Variants in TRAPPC9 observed in about 807,000 individuals in gnomAD.
TRAPPC9 encodes trafficking protein particle complex subunit 9.
TRAPPC9 carries 83 observed loss-of-function variants against 124.0 expected under a neutral mutation model. The ratio of observed to expected loss-of-function variants is 0.67; its 90% CI spans 0.56 to 0.80. The LOEUF (loss-of-function observed/expected upper bound fraction) is 0.80, where lower values mean the gene tolerates loss of function less well. TRAPPC9 is among the 30% of genes least tolerant of loss of function. The probability of loss-of-function intolerance (pLI) is 0.00; values close to 1 mark genes in which losing one functional copy is unlikely to be tolerated. For synonymous variants in TRAPPC9, 638 were observed against 617.5 expected (o/e 1.03, Z -0.49); for missense variants, 1,302 against 1,508.3 (o/e 0.86, Z 2.27).
At chr8:140,191,892 T>C (rs918918652) in intron 17 of TRAPPC9, among the ~76,000 whole-genome samples, 9 of 152,078 alleles carry the variant, frequency 5.9e-5, no homozygotes, top group Non-Finnish European at 1.3e-4. Flanking sequence ...TGAGTTTAAA[T>C]CTCCTCCCCT....
rs1238729797 is a variant in TRAPPC9 at position 139,988,840 on chromosome 8, C to T, written c.2700-4G>A. The T allele has an allele frequency of 9.1e-6, 14 of 1,541,158 alleles. No homozygotes were observed. Among genetic ancestry groups the T allele is most frequent in the Middle Eastern group, 1.7e-4 (1 of 5,974 alleles). On this transcript the variant is annotated splice_region_variant and splice_polypyrimidine_tract_variant and intron_variant, in intron 18 of 22. Transcript: ENST00000438773. ...GAGCAGGTGACACTGCCGGGTACTG[C>T]GTTAAAGAAAAAAGAAAGTTCAGAA...
intron 17 of TRAPPC9, chr8:140,099,701 A>G (rs111539461): frequency 6.6e-6 from 1 of 150,868 alleles, no homozygotes; most frequent in Non-Finnish European, 1.5e-5. Flanking sequence ...GAGTGCCGCA[A>G]TCCACAGGGT....
At chr8:140,152,743 A>C (rs2061567644) in intron 17 of TRAPPC9, among the ~76,000 whole-genome samples, 1 of 151,736 alleles carries the variant, frequency 6.6e-6, no homozygotes. Context: ...GTCTTGTTTA[A>C]CTTCTTTCAG....
At chr8:140,026,529 T>A (rs1840159076) in intron 17 of TRAPPC9, among the ~76,000 whole-genome samples, 1 of 152,226 alleles carries the variant, frequency 6.6e-6, no homozygotes, top group South Asian at 2.1e-4. Flanking sequence ...ATGGCCATCC[T>A]AAGGGACACA....
intron 21 of TRAPPC9, among the ~76,000 whole-genome samples, chr8:139,879,631 C>T (rs868822442): frequency 6.6e-6 from 1 of 152,214 alleles, no homozygotes; most frequent in Non-Finnish European, 1.5e-5. Flanking sequence ...CTCCGGCCCC[C>T]GCAGGCTCTC....
intron 3 of TRAPPC9, among the ~76,000 whole-genome samples, chr8:140,438,829 C>T (rs1221542164): frequency 1.3e-5 from 2 of 152,110 alleles, no homozygotes; most frequent in Non-Finnish European, 2.9e-5. Flanking sequence ...GTAGCTGGGA[C>T]TATAGGCGCG....
At chr8:139,886,895 G>A (rs572375802) in intron 20 of TRAPPC9, among the ~76,000 whole-genome samples, 1 of 152,300 alleles carries the variant, frequency 6.6e-6, no homozygotes, top group East Asian at 1.9e-4. Flanking sequence ...AGTCCTATGG[G>A]AACAAAGCTC....
At chr8:140,227,515 T>A (rs1246037292) in intron 16 of TRAPPC9, among the ~76,000 whole-genome samples, 1 of 152,240 alleles carries the variant, frequency 6.6e-6, no homozygotes, top group Non-Finnish European at 1.5e-5. Flanking sequence ...ATACTTCCCA[T>A]TTATAGTGCT....
rs532293078 is a variant in TRAPPC9, at chr8:140,446,117, A to C, written c.584+4673T>G. ...AGACCAGCCTGGCCAACATAGTGAA[A>C]CCCTGTCTGTACTAAAAATACAAAA... is the stretch of plus-strand genomic sequence containing the variant. On this transcript the variant is annotated intron_variant, in intron 2 of 22. Coordinates refer to ENST00000438773, the MANE Select transcript of TRAPPC9 (RefSeq NM_001160372.4). 9.2e-5 allele frequency among the ~76,000 whole-genome samples: 14 copies of C among 152,268 alleles called. No individual in the cohort carries two copies. In the South Asian group the frequency reaches 2.9e-3, roughly 32 times the overall value.
At chr8:140,118,037 T>C (rs796878143) in intron 17 of TRAPPC9, among the ~76,000 whole-genome samples, 4 of 152,348 alleles carry the variant, frequency 2.6e-5, no homozygotes, top group African/African-American at 9.6e-5. Flanking sequence ...ATTTAGAGCT[T>C]ACAAAGTCCA....
In TRAPPC9 at chr8:140,422,215, TA is replaced by T. The variant is rs1380916995; in HGVS notation, c.886+4399del. Among the ~76,000 whole-genome samples the T allele has an allele frequency of 5.3e-3, 807 of 152,204 alleles. 6 individuals carry two copies. Among genetic ancestry groups the T allele is most frequent in the Middle Eastern group, 0.034 (10 of 294 alleles). Reference sequence around the variant, plus strand: ...ATTTATAGACTAGGGATAACAACAGTACCTGTCTCCTAGAATCGTGAAGATT... The same window carrying T: ...ATTTATAGACTAGGGATAACAACAGTCCTGTCTCCTAGAATCGTGAAGATT... On this transcript the variant is annotated intron_variant, in intron 5 of 22. Coordinates refer to ENST00000438773, the MANE Select transcript of TRAPPC9 (RefSeq NM_001160372.4).
intron 17 of TRAPPC9, among the ~76,000 whole-genome samples, chr8:140,058,852 G>A (rs1056080218): frequency 7.2e-5 from 11 of 152,156 alleles, no homozygotes; most frequent in East Asian, 1.9e-4. Context: ...GCTGGGAGCC[G>A]AGTCAGGAGA....
chr8:140,003,893 A>G (rs918104184), intron 18 of TRAPPC9, among the ~76,000 whole-genome samples: 1 of 152,252 alleles, frequency 6.6e-6, no homozygotes, highest in Non-Finnish European at 1.5e-5. Context: ...ATCACTCTAC[A>G]TGAGTATTTA....
chr8:140,126,804 C>T (rs994661261), intron 17 of TRAPPC9, among the ~76,000 whole-genome samples: 36 of 152,316 alleles, frequency 2.4e-4, no homozygotes, highest in African/African-American at 8.4e-4. Context: ...GTGGGCCTAG[C>T]GTGGCAGGTG....
intron 7 of TRAPPC9, among the ~76,000 whole-genome samples, chr8:140,385,936 G>A (rs1040577308): frequency 8.5e-5 from 13 of 152,130 alleles, no homozygotes; most frequent in East Asian, 1.9e-4. Context: ...CTGGCAAACC[G>A]AATCCAGCAG....
intron 17 of TRAPPC9, among the ~76,000 whole-genome samples, chr8:140,157,252 T>C (rs1485557975): frequency 9.1e-5 from 1 of 11,034 alleles, no homozygotes; most frequent in Non-Finnish European, 1.7e-4. Flanking sequence ...AAAGCCTCCC[T>C]TTTCCATTCA....
chr8:140,210,025 T>C (rs551140960), intron 17 of TRAPPC9, among the ~76,000 whole-genome samples: 3 of 152,364 alleles, frequency 2.0e-5, no homozygotes, highest in South Asian at 2.1e-4. Flanking sequence ...TGGGAAGTTG[T>C]AGTCATGAGG....
chr8:140,076,180 A>G (rs1843499760), intron 17 of TRAPPC9, among the ~76,000 whole-genome samples: 1 of 152,210 alleles, frequency 6.6e-6, no homozygotes, highest in Non-Finnish European at 1.5e-5. Flanking sequence ...ACGAGTCTAC[A>G]TAAGGAAGAG....
intron 17 of TRAPPC9, among the ~76,000 whole-genome samples, chr8:140,166,386 C>G (rs1220413256): frequency 6.6e-6 from 1 of 152,226 alleles, no homozygotes; most frequent in Admixed American, 6.5e-5. Flanking sequence ...AGTCGTTCCT[C>G]CTGGAAGGCC....
Sources: allele counts gnomAD v4.1 joint callset (sites outside exome capture counted in the v4.1 genomes callset), GRCh38; gene constraint gnomAD v4.1.1; transcripts MANE v1.5; gene names NCBI Gene and HGNC (gene_info 2026-07-23, HGNC 2026-07-21).